Variants in MEF2D observed in about 807,000 individuals in gnomAD.
MEF2D encodes myocyte enhancer factor 2D, also known as myocyte-specific enhancer factor 2D.
MEF2D carries 10 observed loss-of-function variants against 59.3 expected under a neutral mutation model. The ratio of observed to expected loss-of-function variants is 0.17; its 90% confidence interval spans 0.10 to 0.29. MEF2D has a LOEUF of 0.29. Among genes scored for constraint, MEF2D ranks in the 10% least tolerant of loss-of-function variants. The pLI is 1.00. For synonymous variants in MEF2D, 305 were observed against 295.0 expected, an observed-to-expected ratio of 1.03 and a Z score of -0.35; for missense variants, 508 against 699.4, an observed-to-expected ratio of 0.73 and a Z score of 3.09.
chr1:156,495,589 T>C (rs745765526), intron 1 of MEF2D, among the ~76,000 whole-genome samples: 2 of 151,602 alleles, frequency 1.3e-5, no homozygotes, highest in Non-Finnish European at 2.9e-5. Flanking sequence ...GGAGGATCGC[T>C]TGAATGGGAG....
chr1:156,480,815 C>A lies in MEF2D; in HGVS notation c.396+19G>T. On this transcript the variant is annotated intron_variant, in intron 4 of 11. Coordinates refer to ENST00000348159, the MANE Select transcript of MEF2D (RefSeq NM_005920.4). ...GGCCGGAAGGGGGGGCCAACAGAGA[C>A]AGAGTGAGTGGGGCTCACCCCATAG... 6.3e-7 allele frequency: 1 copy of A among 1,594,030 alleles called. No homozygotes were observed. The highest frequency in any genetic ancestry group is 1.1e-5 in the South Asian group (1 of 87,644).
Position 156,468,291 on chromosome 1 carries a change from C to T in MEF2D, c.1256G>A (p.Ser419Asn). ...GGCAGCACCCACGTGGGGCAGGGGG[C>T]TGCCCGGGCTGGAGGCAGGCAATGG... is the stretch of plus-strand genomic sequence containing the variant. Reference protein sequence around the residue: ...PVSLSNLIPGSPLPHVGAALT... With the variant: ...PVSLSNLIPGNPLPHVGAALT... Residue 419 changes from serine to asparagine, a missense_variant, in exon 11 of 12, where the codon AGC becomes AAC. Ser to Asn is a conservative substitution (Grantham distance 46). Around this residue, in one of 2 missense-constraint regions of MEF2D, gnomAD observed 481 missense variants for 584.7 expected, o/e 0.82. Coordinates refer to ENST00000348159, the MANE Select transcript of MEF2D (RefSeq NM_005920.4). This position sits in a 1 kb window ranked among gnomAD's most constrained non-coding sequence, Gnocchi z 4.3. 1 of 1,546,666 alleles carries T rather than the reference C, an allele frequency of 6.5e-7. No individual in the cohort carries two copies. The highest frequency in any genetic ancestry group is 8.7e-7 in the Non-Finnish European group (1 of 1,145,996).
chr1:156,474,907 CTTGT>C (rs1671466573), intron 9 of MEF2D, among the ~76,000 whole-genome samples, 197 bp downstream of exon 9: 1 of 152,196 alleles, frequency 6.6e-6, no homozygotes, highest in Non-Finnish European at 1.5e-5. Flanking sequence ...TAAAAAACTA[CTTGT>C]TTTATCTGAA....
At chr1:156,476,610 A>C (rs1056271020) in intron 7 of MEF2D, 96 bp from the exon 8 acceptor site, 1 of 1,483,384 alleles carries the variant, frequency 6.7e-7, no homozygotes, top group Non-Finnish European at 9.3e-7. Context: ...ACCTCTCTGC[A>C]TAAGAGTAGG....
At position 156,483,250 on chromosome 1, in the gene MEF2D, G is replaced by A. The variant is rs768444890; in HGVS notation, c.43C>T (p.Arg15Trp). The change falls in exon 2 of 12, where the codon CGG becomes TGG. Residue 15 changes from arginine to tryptophan, a missense_variant. Arg to Trp is a moderately radical substitution (Grantham distance 101). Transcript: ENST00000348159. ...TAGGACTTCCCTACCTGTCGGTTCC[G>A]CTCGTCGGTGATTCGCTGGATCTGA... ...KIQIQRITDERNRQVTFTKRK... is the reference protein window; with the variant it reads ...KIQIQRITDEWNRQVTFTKRK... The A allele has an allele frequency of 6.2e-7, 1 of 1,613,926 alleles. No homozygotes were observed. Among genetic ancestry groups the A allele is most frequent in the Non-Finnish European group, 8.5e-7 (1 of 1,180,004 alleles).
In MEF2D at chr1:156,468,710, A is replaced by G; in HGVS notation, c.1247+70T>C. ...GAACCCTGCAGGGAACCCAGCTCCC[A>G]AGAGGTCCCTCCTCTTCCCGTTCAA... On this transcript the variant is annotated intron_variant, in intron 10 of 11. Coordinates refer to ENST00000348159, the MANE Select transcript of MEF2D (RefSeq NM_005920.4). This position sits in a 1 kb window ranked among gnomAD's most constrained non-coding sequence, Gnocchi z 4.3. 1 of 1,564,126 alleles carries G rather than the reference A, an allele frequency of 6.4e-7. No individual in the cohort carries two copies. Among genetic ancestry groups the G allele is most frequent in the South Asian group, 1.2e-5 (1 of 83,454 alleles).
chr1:156,467,746 G>A (rs1232531760), intron 11 of MEF2D, 90 bp from the exon 12 acceptor site: 8 of 1,294,800 alleles, frequency 6.2e-6, no homozygotes, highest in African/African-American at 6.0e-5. Flanking sequence ...CATAGGGCCA[G>A]GATTCTAGTG....
intron 1 of MEF2D, among the ~76,000 whole-genome samples, chr1:156,493,487 G>A (rs956123925): frequency 6.6e-6 from 1 of 152,038 alleles, no homozygotes; most frequent in African/African-American, 2.4e-5. Flanking sequence ...CAGCCAGGCA[G>A]CTCTTACAGG....
intron 1 of MEF2D, among the ~76,000 whole-genome samples, chr1:156,487,162 C>A (rs1298568367): frequency 6.6e-6 from 1 of 152,210 alleles, no homozygotes; most frequent in Non-Finnish European, 1.5e-5. Context: ...CCTGGCTGAT[C>A]TCCTACACCG....
intron 4 of MEF2D, 83 bp from the exon 5 acceptor site, chr1:156,479,879 GTTC>G (rs1671877563): frequency 7.3e-7 from 1 of 1,364,522 alleles, no homozygotes; most frequent in South Asian, 1.3e-5. Context: ...GCAGGCAAGG[GTTC>G]TTCTCATTTC....
At position 156,476,430 on chromosome 1, in the gene MEF2D, T is replaced by TG. The variant is rs1671610465; in HGVS notation, c.876+63dup. 7 of 1,573,884 alleles carry TG rather than the reference T, an allele frequency of 4.4e-6. No individual in the cohort carries two copies. The Admixed American group carries it at 8.7e-5, about 20-fold the overall frequency. On this transcript the variant is annotated intron_variant, in intron 8 of 11. Transcript: ENST00000348159. ...CCAAGGACGCACACGTACTTCATGC[T>TG]GGGGGACCGCAGAGCAATACCCAGA...
intron 2 of MEF2D, 57 bp downstream of exon 2, chr1:156,483,182 A>G (rs1292404805): frequency 1.9e-6 from 3 of 1,542,134 alleles, no homozygotes; most frequent in Admixed American, 1.7e-5. Context: ...AAGGGAGTAG[A>G]GGCAGAGGCC....
Position 156,468,709 on chromosome 1 carries a change from C to T in MEF2D, c.1247+71G>A, listed in dbSNP as rs538189432. On this transcript the variant is annotated intron_variant, in intron 10 of 11. Coordinates refer to ENST00000348159, the MANE Select transcript of MEF2D (RefSeq NM_005920.4). This position sits in a 1 kb window ranked among gnomAD's most constrained non-coding sequence, Gnocchi z 4.3. Reference sequence around the variant, plus strand: ...AGAACCCTGCAGGGAACCCAGCTCCCAAGAGGTCCCTCCTCTTCCCGTTCA... The same window carrying T: ...AGAACCCTGCAGGGAACCCAGCTCCTAAGAGGTCCCTCCTCTTCCCGTTCA... 253 of 1,561,980 alleles carry T rather than the reference C, an allele frequency of 1.6e-4. 2 individuals are homozygous for T. The East Asian group carries it at 5.5e-3, about 34-fold the overall frequency.
intron 1 of MEF2D, among the ~76,000 whole-genome samples, chr1:156,491,560 A>G (rs551129012): frequency 7.9e-5 from 12 of 152,340 alleles, no homozygotes; most frequent in Middle Eastern, 6.8e-3. Context: ...CAGCCAGAAC[A>G]AGTACCAAGT....
chr1:156,475,073 A>G (rs1367805757), intron 9 of MEF2D, 35 bp downstream of exon 9: 1 of 1,613,574 alleles, frequency 6.2e-7, no homozygotes, highest in South Asian at 1.1e-5. Flanking sequence ...CCCCAAGCCC[A>G]AGTGCACACA....
rs1010837542 is a variant in MEF2D at position 156,493,679 on chromosome 1, C to A, written c.-139+6807G>T. 2.6e-5 allele frequency among the ~76,000 whole-genome samples: 4 copies of A among 152,154 alleles called. No individual in the cohort carries two copies. In the South Asian group the frequency reaches 8.3e-4, roughly 32 times the overall value. ...CTCACCCTTTCATGAGGATGCCGTG[C>A]AGGGACCCCTCAGATTTTTGCCAGC... On this transcript the variant is annotated intron_variant, in intron 1 of 11. Coordinates refer to ENST00000348159, the MANE Select transcript of MEF2D (RefSeq NM_005920.4).
chr1:156,480,632 C>T (rs1224733436), intron 4 of MEF2D: 7 of 1,543,520 alleles, frequency 4.5e-6, no homozygotes, highest in East Asian at 4.9e-5. Context: ...CTGCTCCATG[C>T]GACTACTCAC....
At chr1:156,491,603 G>A (rs1003547950) in intron 1 of MEF2D, among the ~76,000 whole-genome samples, 3 of 152,218 alleles carry the variant, frequency 2.0e-5, no homozygotes, top group Non-Finnish European at 4.4e-5. Flanking sequence ...CAGAGGCTCA[G>A]TCATCCCAAT....
intron 1 of MEF2D, among the ~76,000 whole-genome samples, chr1:156,496,382 C>T (rs765735925): frequency 2.6e-5 from 4 of 151,982 alleles, no homozygotes; most frequent in Non-Finnish European, 4.4e-5. Flanking sequence ...AGGAGGGACC[C>T]GGGGACACAC....
Sources: allele counts gnomAD v4.1 joint callset (sites outside exome capture counted in the v4.1 genomes callset), GRCh38; gene constraint gnomAD v4.1.1; regional missense constraint gnomAD v4.1.1; non-coding constraint Gnocchi (gnomAD v3.1); transcripts MANE v1.5; gene names NCBI Gene and HGNC (gene_info 2026-07-23, HGNC 2026-07-21).